HAUS4: variants seen among roughly 807,000 people sequenced by gnomAD.
The protein encoded by HAUS4 is HAUS augmin like complex subunit 4, also known as HAUS augmin-like complex subunit 4.
Under a neutral mutation model 50.6 loss-of-function variants are expected in HAUS4, and 34 were observed. The ratio of observed to expected loss-of-function variants is 0.67; its 90% confidence interval spans 0.51 to 0.90. The LOEUF is 0.90. HAUS4 is among the 40% of genes least tolerant of loss of function. The probability of loss-of-function intolerance (pLI) is 0.00; values close to 1 mark genes in which losing one functional copy is unlikely to be tolerated. For synonymous variants in HAUS4, 149 were observed against 161.4 expected, an observed-to-expected ratio of 0.92 and a Z score of 0.58; for missense variants, 370 against 428.7, an observed-to-expected ratio of 0.86 and a Z score of 1.21.
chr14:22,948,508 C>CT (rs1196685999), intron 6 of HAUS4, among the ~76,000 whole-genome samples: 1 of 150,046 alleles, frequency 6.7e-6, no homozygotes, highest in African/African-American at 2.4e-5. Flanking sequence ...TATCTTCACT[C>CT]TTACCTTTGA....
At chr14:22,951,528 A>G (rs774279061) in intron 5 of HAUS4, 27 bp downstream of exon 5, 2 of 1,611,146 alleles carry the variant, frequency 1.2e-6, no homozygotes, top group Non-Finnish European at 8.5e-7. Context: ...CATTTCATTT[A>G]TTTGGTTCCA....
Position 22,952,562 on chromosome 14 carries a change from G to C in HAUS4, c.177C>G (p.Thr59=). Residue 59 remains threonine, a synonymous_variant, in exon 3 of 10, where the codon ACC becomes ACG. Coordinates refer to ENST00000541587, the MANE Select transcript of HAUS4 (RefSeq NM_001166269.2). ...QHVDESGLSL[T]LAKEQAQAWK... ...TTACCTGAGCCTGCTCCTTTGCTAG[G>C]GTGAGGCTTAAGCCACTCTCATCCA... The C allele has an allele frequency of 6.2e-7, 1 of 1,613,508 alleles. No individual in the cohort carries two copies. The highest frequency in any genetic ancestry group is 1.1e-5 in the South Asian group (1 of 90,990).
At chr14:22,949,025 C>T (rs2044698411) in intron 6 of HAUS4, among the ~76,000 whole-genome samples, 5 of 151,368 alleles carry the variant, frequency 3.3e-5, no homozygotes. Flanking sequence ...GGCAGGGTGG[C>T]AGGCGCCTGT....
chr14:22,946,829 G>T, intron 9 of HAUS4, 121 bp from the exon 10 acceptor site: 1 of 672,280 alleles, frequency 1.5e-6, no homozygotes, highest in Non-Finnish European at 2.4e-6. Context: ...TGTCACCTAG[G>T]CTGGAGTGCA....
chr14:22,947,564 A>G, intron 8 of HAUS4, 37 bp downstream of exon 8: 1 of 1,610,100 alleles, frequency 6.2e-7, no homozygotes, highest in Non-Finnish European at 8.5e-7. Context: ...ATAACGTGAG[A>G]CAGAATCCCT....
intron 2 of HAUS4, among the ~76,000 whole-genome samples, chr14:22,953,746 A>C (rs955351969): frequency 6.7e-6 from 1 of 149,192 alleles, no homozygotes; most frequent in Non-Finnish European, 1.5e-5. Context: ...TTAGCCTCCC[A>C]AGTAGCTGGG....
At chr14:22,950,230 T>C in intron 6 of HAUS4, 84 bp downstream of exon 6, 2 of 689,426 alleles carry the variant, frequency 2.9e-6, no homozygotes, top group Non-Finnish European at 5.0e-6. Flanking sequence ...GTCCCAAATC[T>C]AAAATCAAAA....
chr14:22,947,307 G>A (rs1468287465), intron 8 of HAUS4, 68 bp from the exon 9 acceptor site: 13 of 1,070,450 alleles, frequency 1.2e-5, no homozygotes, highest in East Asian at 7.2e-5. Flanking sequence ...GGGAATGGAC[G>A]TAGTACCTGC....
intron 8 of HAUS4, 173 bp downstream of exon 8, chr14:22,947,428 G>T (rs773434026): frequency 3.5e-5 from 27 of 765,152 alleles, no homozygotes; most frequent in Non-Finnish European, 5.5e-5. Flanking sequence ...TAAAAGAAAA[G>T]TCTCAAGGAT....
intron 6 of HAUS4, 198 bp from the exon 7 acceptor site, chr14:22,948,211 G>A: frequency 1.8e-6 from 1 of 559,982 alleles, no homozygotes; most frequent in Non-Finnish European, 3.1e-6. Context: ...CACTTTGGGA[G>A]GCCAAGGCAG....
intron 6 of HAUS4, among the ~76,000 whole-genome samples, chr14:22,948,917 G>A (rs1283865912): frequency 6.6e-6 from 1 of 152,068 alleles, no homozygotes; most frequent in African/African-American, 2.4e-5. Context: ...CACTTTGGGA[G>A]GCCAAGGCGG....
At chr14:22,946,780 A>AAT in intron 9 of HAUS4, 72 bp from the exon 10 acceptor site, 13 of 1,013,242 alleles carry the variant, frequency 1.3e-5, no homozygotes, top group Non-Finnish European at 1.8e-5. Flanking sequence ...AAAATGAAAA[A>AAT]CTTTTTTTTT....
At position 22,948,255 on chromosome 14, in the gene HAUS4, C is replaced by A. The variant is rs1284170626; in HGVS notation, c.563-242G>T. ...CTTGAGCCCAAGAGTTCAAGACCGG[C>A]TTGGGCAACATAGTGAGACTCTGTC... On this transcript the variant is annotated intron_variant, in intron 6 of 9. Transcript: ENST00000541587. 8.2e-6 allele frequency: 4 copies of A among 485,596 alleles called. No individual in the cohort carries two copies. In the East Asian group the frequency reaches 1.4e-4, roughly 17 times the overall value. 30.1% of individuals were successfully genotyped at this position (485,596 alleles called of 1,614,324 possible).
rs972370827 is a variant in HAUS4 at position 22,947,861 on chromosome 14, G to C, written c.708+7C>G. The stretch of plus-strand genomic sequence containing the variant: ...AAGGAAAGGGGCTGTCCCATGCCCT[G>C]ATAAACCTGGGAGTAAGCAGCACTC... On this transcript the variant is annotated splice_region_variant and intron_variant, in intron 7 of 9. Coordinates refer to ENST00000541587, the MANE Select transcript of HAUS4 (RefSeq NM_001166269.2). 1.2e-6 allele frequency: 2 copies of C among 1,612,548 alleles called. No individual in the cohort carries two copies. The highest frequency in any genetic ancestry group is 4.5e-5 in the East Asian group (2 of 44,888).
At chr14:22,955,995 C>G (rs996107662) in intron 1 of HAUS4, among the ~76,000 whole-genome samples, 1 of 152,070 alleles carries the variant, frequency 6.6e-6, no homozygotes, top group African/African-American at 2.4e-5. Context: ...TTGCTCTGCC[C>G]CTCCTCTCTG....
intron 6 of HAUS4, among the ~76,000 whole-genome samples, 186 bp downstream of exon 6, chr14:22,950,128 C>CAAAAAAAA (rs200256150): frequency 8.9e-6 from 1 of 112,136 alleles, no homozygotes; most frequent in Admixed American, 8.6e-5. Context: ...AACGCCATCT[C>CAAAAAAAA]AAAAAAAAAA....
intron 2 of HAUS4, 132 bp from the exon 3 acceptor site, chr14:22,952,815 G>T: frequency 1.5e-6 from 1 of 673,152 alleles, no homozygotes; most frequent in Non-Finnish European, 2.3e-6. Flanking sequence ...AATCTAATGA[G>T]ATTTTTTAAA....
Position 22,946,703 on chromosome 14 carries a change from C to T in HAUS4, c.914G>A (p.Arg305His), listed in dbSNP as rs775861306. Residue 305 changes from arginine (R) to histidine (H), a missense_variant, in exon 10 of 10, where the codon CGT becomes CAT. Arg to His is a conservative substitution (Grantham distance 29). Coordinates refer to ENST00000541587, the MANE Select transcript of HAUS4 (RefSeq NM_001166269.2). ...KVEVHRLIRD[R>H]LEGAIHLQEQ... ...CTGTAGGTGAATGGCTCCCTCCAAA[C>T]GGTCCCTAAGAGCCCGGGCAGAGAA... is the stretch of plus-strand genomic sequence containing the variant. 6.8e-6 allele frequency: 11 copies of T among 1,609,268 alleles called. No individual in the cohort carries two copies. The highest frequency in any genetic ancestry group is 1.7e-5 in the Admixed American group (1 of 59,518).
chr14:22,948,877 A>G (rs2044695504), intron 6 of HAUS4, among the ~76,000 whole-genome samples: 1 of 152,018 alleles, frequency 6.6e-6, no homozygotes, highest in Non-Finnish European at 1.5e-5. Context: ...TAAGGAGACC[A>G]AGTGTGGTAG....
Sources: gnomAD v4.1 joint callset for allele counts (sites outside exome capture counted in the v4.1 genomes callset) on GRCh38, gnomAD v4.1.1 for gene constraint, MANE v1.5 for transcripts, NCBI Gene and HGNC (gene_info 2026-07-23, HGNC 2026-07-21) for gene names.